Variants in SMARCA4 observed in about 807,000 individuals in gnomAD.
SMARCA4 encodes the protein SWI/SNF-related matrix-associated actin-dependent regulator of chromatin subfamily A member 4.
In SMARCA4, 31 loss-of-function variants were observed where a neutral mutation model predicts 193.9. The ratio of observed to expected loss-of-function variants is 0.16; its 90% CI spans 0.12 to 0.22. SMARCA4 has a LOEUF of 0.22. Ranked by LOEUF, SMARCA4 falls within the 10% of genes least tolerant of loss-of-function variation. The probability of loss-of-function intolerance (pLI) is 1.00; values close to 1 mark genes in which losing one functional copy is unlikely to be tolerated. For missense variants in SMARCA4, 1,148 were observed against 2,296.0 expected (o/e 0.50, Z 10.22); for synonymous variants, 942 against 933.1 (o/e 1.01, Z -0.17).
At chr19:10,994,661 G>T (rs754947930) in intron 8 of SMARCA4, among the ~76,000 whole-genome samples, 167 bp from the exon 9 acceptor site, 2 of 151,712 alleles carry the variant, frequency 1.3e-5, no homozygotes, top group Non-Finnish European at 2.9e-5. Context: ...GGGTTTCACC[G>T]TGTTAGCCAG....
chr19:10,976,214 G>C (rs1211361315), intron 1 of SMARCA4, among the ~76,000 whole-genome samples: 1 of 152,188 alleles, frequency 6.6e-6, no homozygotes, highest in Non-Finnish European at 1.5e-5. Flanking sequence ...GGGGTAAGAA[G>C]GGGTAGAGAG....
At chr19:10,969,411 G>A (rs929937810) in intron 1 of SMARCA4, among the ~76,000 whole-genome samples, 2 of 151,214 alleles carry the variant, frequency 1.3e-5, no homozygotes, top group Non-Finnish European at 3.0e-5. Flanking sequence ...CACGCCTGGC[G>A]CCTTTTTATA....
intron 22 of SMARCA4, among the ~76,000 whole-genome samples, chr19:11,025,782 C>G (rs989716703): frequency 1.3e-5 from 2 of 152,208 alleles, no homozygotes; most frequent in Admixed American, 6.5e-5. Flanking sequence ...TGTGTCCCCC[C>G]ACAGTGGGGT....
At chr19:10,998,678 G>A (rs748493894) in intron 11 of SMARCA4, among the ~76,000 whole-genome samples, 1 of 151,984 alleles carries the variant, frequency 6.6e-6, no homozygotes, top group Non-Finnish European at 1.5e-5. Context: ...GTAGACTTAC[G>A]GATTCTTGTT....
At chr19:11,047,256 G>A (rs2075988186) in intron 30 of SMARCA4, among the ~76,000 whole-genome samples, 1 of 152,110 alleles carries the variant, frequency 6.6e-6, no homozygotes, top group Non-Finnish European at 1.5e-5. Context: ...GGGCCTCTTG[G>A]GGGCCAAGGT....
At chr19:11,046,855 C>T (rs924558727) in intron 30 of SMARCA4, among the ~76,000 whole-genome samples, 4 of 149,420 alleles carry the variant, frequency 2.7e-5, no homozygotes, top group Non-Finnish European at 5.9e-5. Flanking sequence ...ATTCAGGAAG[C>T]TGAGGCAGAA....
At chr19:11,061,226 T>A (rs920004871) in intron 34 of SMARCA4, among the ~76,000 whole-genome samples, 9 of 136,192 alleles carry the variant, frequency 6.6e-5, no homozygotes, top group South Asian at 4.5e-4. Flanking sequence ...TATATATATA[T>A]ATATATATAT....
rs777594280 is a variant in SMARCA4 at position 11,033,340 on chromosome 19, G to A, written c.3597G>A (p.Val1199=). The A allele has an allele frequency of 6.2e-7, 1 of 1,613,226 alleles. No homozygotes were observed. The highest frequency in any genetic ancestry group is 8.5e-7 in the Non-Finnish European group (1 of 1,180,036). ...ACCGCATCGGGCAGCAGAACGAGGT[G>A]CGTGTGCTCCGCCTCTGCACCGTCA... ...RAHRIGQQNE[V]RVLRLCTVNS... The change falls in exon 26 of 35, where the codon GTG becomes GTA. Residue 1199 remains valine (V), a synonymous_variant. Coordinates refer to ENST00000344626, the MANE Select transcript of SMARCA4 (RefSeq NM_003072.5). This position sits in a 1 kb window ranked among gnomAD's most constrained non-coding sequence, Gnocchi z 9.8.
At chr19:11,026,094 C>T (rs1195773106) in intron 22 of SMARCA4, among the ~76,000 whole-genome samples, 2 of 152,142 alleles carry the variant, frequency 1.3e-5, no homozygotes, top group Admixed American at 6.5e-5. Context: ...TCCTTTCCTT[C>T]GTTGGAGGAG....
intron 30 of SMARCA4, among the ~76,000 whole-genome samples, chr19:11,046,598 G>A (rs2075935187): frequency 6.6e-6 from 1 of 152,202 alleles, no homozygotes; most frequent in Admixed American, 6.5e-5. Flanking sequence ...TCCACTCACT[G>A]TAATGTGATT....
chr19:10,986,835 G>T lies in SMARCA4; in HGVS notation c.761-70G>T. The stretch of plus-strand genomic sequence containing the variant: ...TGCTGTGTCCCCTGGAGCCAGGGCT[G>T]CCCACGGGGCTGGGCGCAGGCATAA... On this transcript the variant is annotated intron_variant, in intron 4 of 34. Transcript: ENST00000344626. This position sits in a 1 kb window ranked among gnomAD's most constrained non-coding sequence, Gnocchi z 6.7. 7.2e-7 allele frequency: 1 copy of T among 1,392,364 alleles called. No individual in the cohort carries two copies. The allele number at this position is 1,392,364 out of a possible 1,614,324, so 86.3% of individuals were successfully genotyped here.
In SMARCA4 at chr19:10,986,037, C is replaced by A; in HGVS notation, c.356-152C>A. The A allele has an allele frequency of 2.8e-6, 2 of 714,158 alleles. No individual in the cohort carries two copies. The highest frequency in any genetic ancestry group is 2.1e-5 in the Admixed American group (1 of 47,908). 44.2% of individuals were successfully genotyped at this position (714,158 alleles called of 1,614,324 possible). On this transcript the variant is annotated intron_variant, in intron 3 of 34. Coordinates refer to ENST00000344626, the MANE Select transcript of SMARCA4 (RefSeq NM_003072.5). The surrounding 1 kb of genome is among the most constrained non-coding windows in gnomAD (Gnocchi z 6.7). ...GGCTGCTGGGCTGAGGTGCCTTCAG[C>A]ATGTGCCCTCCAGGTGCCCCTGGTT...
intron 8 of SMARCA4, among the ~76,000 whole-genome samples, chr19:10,991,903 G>A (rs2086592440): frequency 6.6e-6 from 1 of 152,140 alleles, no homozygotes; most frequent in African/African-American, 2.4e-5. Context: ...GAGCCATAGA[G>A]GGTTCTGGGC....
intron 30 of SMARCA4, among the ~76,000 whole-genome samples, chr19:11,049,748 AC>A (rs1293311523): frequency 6.6e-6 from 1 of 151,886 alleles, no homozygotes; most frequent in East Asian, 1.9e-4. Flanking sequence ...CCTGCTAAAG[AC>A]CACCCCGCCA....
chr19:10,989,129 G>A (rs1055219806), intron 6 of SMARCA4, among the ~76,000 whole-genome samples, 188 bp from the exon 7 acceptor site: 1 of 152,180 alleles, frequency 6.6e-6, no homozygotes, highest in African/African-American at 2.4e-5. Flanking sequence ...CCTGAGGCCC[G>A]GTCCTGAGGA....
chr19:11,062,013 C>T lies in SMARCA4; in HGVS notation c.*197C>T. The T allele has an allele frequency of 1.6e-6, 1 of 634,866 alleles. No homozygotes were observed. Among genetic ancestry groups the T allele is most frequent in the Non-Finnish European group, 2.9e-6 (1 of 348,898 alleles). 39.3% of individuals were successfully genotyped at this position (634,866 alleles called of 1,614,324 possible). On this transcript the variant is annotated 3_prime_UTR_variant, in exon 35 of 35. Transcript: ENST00000344626. The stretch of plus-strand genomic sequence containing the variant: ...GGCCCTGTCCTGGCATCAGTAGCAT[C>T]TGTAACAGCATTAACTGTCTTAAAG...
intron 1 of SMARCA4, among the ~76,000 whole-genome samples, chr19:10,978,925 G>A (rs904952104): frequency 1.3e-5 from 2 of 152,004 alleles, no homozygotes; most frequent in Non-Finnish European, 2.9e-5. Flanking sequence ...CTCCAGCTTG[G>A]GTGATGGAGC....
chr19:11,052,199 A>C (rs1163029695), intron 30 of SMARCA4, among the ~76,000 whole-genome samples: 2 of 152,238 alleles, frequency 1.3e-5, no homozygotes, highest in Admixed American at 1.3e-4. Context: ...GTCAGGAGAC[A>C]AGATTGAGTG....
At chr19:10,971,845 C>T (rs1031381036) in intron 1 of SMARCA4, among the ~76,000 whole-genome samples, 1 of 148,024 alleles carries the variant, frequency 6.8e-6, no homozygotes, top group Non-Finnish European at 1.5e-5. Context: ...TGCAATGGTG[C>T]GATCTTGGCT....
Sources: allele counts gnomAD v4.1 joint callset (sites outside exome capture counted in the v4.1 genomes callset), GRCh38; gene constraint gnomAD v4.1.1; non-coding constraint Gnocchi (gnomAD v3.1); transcripts MANE v1.5; gene names NCBI Gene and HGNC (gene_info 2026-07-23, HGNC 2026-07-21).